The following PTGS1 variants were observed in gnomAD, a reference collection of about 807,000 sequenced individuals.
PTGS1 encodes the protein prostaglandin-endoperoxide synthase 1.
Under a neutral mutation model 63.0 loss-of-function variants are expected in PTGS1, and 40 were observed. The ratio of observed to expected loss-of-function variants is 0.63; its 90% CI spans 0.49 to 0.83. The LOEUF is 0.83. Ranked by LOEUF, PTGS1 falls within the 40% of genes least tolerant of loss-of-function variation. PTGS1 has a pLI of 0.00. For synonymous variants in PTGS1, 298 were observed against 301.9 expected (o/e 0.99, Z 0.13); for missense variants, 709 against 786.5 (o/e 0.90, Z 1.18).
intron 9 of PTGS1, 94 bp downstream of exon 9, chr9:122,386,826 CTGA>C: frequency 7.0e-7 from 1 of 1,432,990 alleles, no homozygotes. Context: ...TAAAATGGGG[CTGA>C]TGTCACTTCT....
intron 5 of PTGS1, among the ~76,000 whole-genome samples, chr9:122,380,888 T>C (rs1174191539): frequency 6.6e-6 from 1 of 152,236 alleles, no homozygotes; most frequent in Non-Finnish European, 1.5e-5. Context: ...TTCACACAGC[T>C]AGCAAATAGC....
chr9:122,380,280 A>G lies in PTGS1; in HGVS notation c.497-1091A>G, dbSNP rs561824301. Among the ~76,000 whole-genome samples the G allele has an allele frequency of 4.6e-5, 7 of 152,100 alleles. No homozygotes were observed. In the East Asian group the frequency reaches 9.7e-4, roughly 21 times the overall value. On this transcript the variant is annotated intron_variant, in intron 5 of 10. Transcript: ENST00000362012. ...GGAGTTCAAGTCCAACCTGGATGACATGGTGAGACACCTTGTCTACAAAAG... is the reference window on the plus strand; with the variant it reads ...GGAGTTCAAGTCCAACCTGGATGACGTGGTGAGACACCTTGTCTACAAAAG...
At chr9:122,375,240 A>T in intron 2 of PTGS1, 1 of 962,628 alleles carries the variant, frequency 1.0e-6, no homozygotes, top group Non-Finnish European at 1.2e-6. Context: ...GATGGGCCGG[A>T]CTGGGAGGGA....
At position 122,393,712 on chromosome 9, in the gene PTGS1, C is replaced by T. The variant is rs560817135; in HGVS notation, c.*1168C>T. 2.0e-5 allele frequency: 3 copies of T among 152,362 alleles called. No individual in the cohort carries two copies. Among genetic ancestry groups the T allele is most frequent in the East Asian group, 3.9e-4 (2 of 5,186 alleles). 9.4% of individuals were successfully genotyped at this position (152,362 alleles called of 1,614,324 possible). A position where few individuals can be genotyped will look rare whatever the true frequency, so the allele number is the denominator to read the frequency against. On this transcript the variant is annotated 3_prime_UTR_variant, in exon 11 of 11. Coordinates refer to ENST00000362012, the MANE Select transcript of PTGS1 (RefSeq NM_000962.4). ...GAAGTGCGTGGTATAATCTCCATTT[C>T]AAAACCAAGGAAGCAGCCTCAGAGT...
intron 2 of PTGS1, among the ~76,000 whole-genome samples, chr9:122,373,690 G>A (rs117767472): frequency 1.3e-5 from 2 of 152,342 alleles, no homozygotes; most frequent in East Asian, 3.9e-4. Flanking sequence ...AAGGCTGCCC[G>A]GGTGCCTGCA....
In PTGS1 at chr9:122,392,973, G is replaced by A. The variant is rs1022343775; in HGVS notation, c.*429G>A. 4 of 164,586 alleles carry A rather than the reference G, an allele frequency of 2.4e-5. No homozygotes were observed. The highest frequency in any genetic ancestry group is 2.3e-4 in the Admixed American group (4 of 17,526). 10.2% of individuals were successfully genotyped at this position (164,586 alleles called of 1,614,324 possible). On this transcript the variant is annotated 3_prime_UTR_variant, in exon 11 of 11. Transcript: ENST00000362012. ...TGTTGTGTTCCTGGCTGATGATCCA[G>A]AACAGTGGCTCGTATCCCAAATCTG...
chr9:122,374,248 G>A (rs1836980029), intron 2 of PTGS1, among the ~76,000 whole-genome samples: 1 of 152,186 alleles, frequency 6.6e-6, no homozygotes, highest in South Asian at 2.1e-4. Context: ...GTTCTCTGCT[G>A]ATGGGGCAGT....
At chr9:122,371,886 T>G in intron 2 of PTGS1, 1 of 1,326,882 alleles carries the variant, frequency 7.5e-7, no homozygotes, top group Non-Finnish European at 1.0e-6. Flanking sequence ...GCCCAGGATC[T>G]GAACTCAGGT....
chr9:122,377,594 G>A (rs1310112088), intron 2 of PTGS1, among the ~76,000 whole-genome samples: 1 of 152,076 alleles, frequency 6.6e-6, no homozygotes, highest in African/African-American at 2.4e-5. Context: ...GTCACAGCCG[G>A]GGAATCTTCT....
At chr9:122,379,242 G>T (rs1472560466) in intron 5 of PTGS1, among the ~76,000 whole-genome samples, 4 of 152,128 alleles carry the variant, frequency 2.6e-5, no homozygotes, top group Non-Finnish European at 5.9e-5. Flanking sequence ...GCTATTTATT[G>T]GGTGCTGTCT....
Position 122,378,821 on chromosome 9 carries a change from T to C in PTGS1, c.399T>C (p.His133=). The C allele has an allele frequency of 6.2e-7, 1 of 1,614,242 alleles. No individual in the cohort carries two copies. Among genetic ancestry groups the C allele is most frequent in the South Asian group, 1.1e-5 (1 of 91,080 alleles). ...GTCCCCCCACCTACAACTCAGCACA[T>C]GACTACATCAGCTGGGAGTCTTTCT... ...IPSPPTYNSA[H]DYISWESFSN... The change falls in exon 5 of 11, where the codon CAT becomes CAC. Residue 133 remains histidine (H), a synonymous_variant. Coordinates refer to ENST00000362012, the MANE Select transcript of PTGS1 (RefSeq NM_000962.4).
chr9:122,389,639 C>T (rs1485502153), intron 9 of PTGS1, among the ~76,000 whole-genome samples: 1 of 152,106 alleles, frequency 6.6e-6, no homozygotes, highest in East Asian at 1.9e-4. Context: ...AAGAGGTCCT[C>T]TTGGCCCATT....
intron 2 of PTGS1, chr9:122,371,808 T>C (rs1427765355): frequency 2.3e-5 from 35 of 1,534,706 alleles, no homozygotes; most frequent in African/African-American, 4.1e-5. Flanking sequence ...GAGATCCCCA[T>C]TGAGCAAATG....
At chr9:122,377,435 G>A (rs550173156) in intron 2 of PTGS1, among the ~76,000 whole-genome samples, 17 of 152,206 alleles carry the variant, frequency 1.1e-4, no homozygotes, top group African/African-American at 4.1e-4. Flanking sequence ...TCTGGGAGAA[G>A]TCCCCGTCCT....
rs377116298 is a variant in PTGS1, at chr9:122,381,523, C to T, written c.649C>T (p.Pro217Ser). The T allele has an allele frequency of 2.5e-6, 4 of 1,614,082 alleles. No homozygotes were observed. The highest frequency in any genetic ancestry group is 3.4e-6 in the Non-Finnish European group (4 of 1,180,042). The change falls in exon 6 of 11, where the codon CCT becomes TCT. Residue 217 changes from proline to serine, a missense_variant. Pro to Ser is a moderately conservative substitution (Grantham distance 74, BLOSUM62 -1). Transcript: ENST00000362012. ...QFFKTSGKMG[P>S]GFTKALGHGV... ...CTTCAAAACTTCTGGCAAGATGGGT[C>T]CTGGCTTCACCAAGGCCTTGGGCCA...
chr9:122,388,518 G>T (rs1019899174), intron 9 of PTGS1, among the ~76,000 whole-genome samples: 1 of 152,074 alleles, frequency 6.6e-6, no homozygotes, highest in South Asian at 2.1e-4. Flanking sequence ...TTACATATGC[G>T]GGAACTCAAA....
intron 9 of PTGS1, among the ~76,000 whole-genome samples, chr9:122,388,897 G>A (rs1838036862): frequency 6.6e-6 from 1 of 152,120 alleles, no homozygotes; most frequent in African/African-American, 2.4e-5. Context: ...TTCCAAATAA[G>A]GATGCATTCA....
chr9:122,377,061 T>G (rs35119072), intron 2 of PTGS1, among the ~76,000 whole-genome samples: 21,460 of 152,196 alleles, frequency 0.14, 1,578 homozygotes, highest in African/African-American at 0.16. Context: ...TGTGACCTTC[T>G]TCTGGATCCT....
At chr9:122,371,445 G>C (rs757416579) in intron 2 of PTGS1, among the ~76,000 whole-genome samples, 173 bp downstream of exon 2, 1 of 152,240 alleles carries the variant, frequency 6.6e-6, no homozygotes, top group African/African-American at 2.4e-5. Flanking sequence ...CCCCCCCGGC[G>C]GTGTGGCCTT....
Sources: allele counts gnomAD v4.1 joint callset (sites outside exome capture counted in the v4.1 genomes callset), GRCh38; gene constraint gnomAD v4.1.1; transcripts MANE v1.5; gene names NCBI Gene and HGNC (gene_info 2026-07-23, HGNC 2026-07-21).